SNUPN: variants seen among roughly 807,000 people sequenced by gnomAD.
SNUPN encodes the protein snurportin-1.
In SNUPN, 31 loss-of-function variants were observed where a neutral mutation model predicts 39.2. That is an observed-to-expected ratio of 0.79 (90% CI 0.59 to 1.07). The LOEUF is 1.07. Among genes scored for constraint, SNUPN ranks in the 50% least tolerant of loss-of-function variants. The pLI is 0.00. For synonymous variants in SNUPN, 132 were observed against 159.0 expected, an observed-to-expected ratio of 0.83 and a Z score of 1.28; for missense variants, 382 against 434.2, an observed-to-expected ratio of 0.88 and a Z score of 1.07.
At chr15:75,620,574 A>T (rs1893041214) in intron 2 of SNUPN, among the ~76,000 whole-genome samples, 1 of 152,166 alleles carries the variant, frequency 6.6e-6, no homozygotes, top group Non-Finnish European at 1.5e-5. Context: ...TGGGGAGTGA[A>T]AGTCTGGGCG....
At position 75,607,194 on chromosome 15, in the gene SNUPN, C is replaced by T. The variant is rs146233734; in HGVS notation, c.600+22G>A. 20 of 1,561,238 alleles carry T rather than the reference C, an allele frequency of 1.3e-5. No individual in the cohort carries two copies. The African/African-American group carries it at 2.4e-4, about 19-fold the overall frequency. ...GGAGAGGAGAAGACAGGAAGAGCCA[C>T]GAGAGGAGGATCCATCCCTACCTGG... On this transcript the variant is annotated intron_variant, in intron 6 of 8. Coordinates refer to ENST00000308588, the MANE Select transcript of SNUPN (RefSeq NM_005701.4).
chr15:75,616,281 AC>A (rs1296446761), intron 3 of SNUPN, among the ~76,000 whole-genome samples: 1 of 151,446 alleles, frequency 6.6e-6, no homozygotes, highest in Non-Finnish European at 1.5e-5. Context: ...CCATGGTGAA[AC>A]CCTGTCTCTA....
At chr15:75,602,158 A>G (rs968982600) in intron 7 of SNUPN, among the ~76,000 whole-genome samples, 8 of 152,066 alleles carry the variant, frequency 5.3e-5, no homozygotes, top group African/African-American at 1.9e-4. Flanking sequence ...CAGTGGGCCG[A>G]GATTGTGCCA....
At chr15:75,603,609 C>T (rs1055970734) in intron 7 of SNUPN, among the ~76,000 whole-genome samples, 3 of 145,684 alleles carry the variant, frequency 2.1e-5, no homozygotes, top group African/African-American at 5.1e-5. Context: ...TGCAGTGAGC[C>T]GAGATCACGC....
At chr15:75,616,509 T>A (rs529644943) in intron 3 of SNUPN, among the ~76,000 whole-genome samples, 1 of 152,260 alleles carries the variant, frequency 6.6e-6, no homozygotes, top group African/African-American at 2.4e-5. Flanking sequence ...CAGGTTGGTC[T>A]TGAACTCCTG....
chr15:75,601,035 G>T, intron 8 of SNUPN, 103 bp downstream of exon 8: 1 of 884,080 alleles, frequency 1.1e-6, no homozygotes, highest in Non-Finnish European at 1.9e-6. Context: ...CCATTCTGAT[G>T]CTTTGACACA....
chr15:75,612,651 G>T (rs1892815877), intron 3 of SNUPN, among the ~76,000 whole-genome samples: 1 of 151,780 alleles, frequency 6.6e-6, no homozygotes, highest in Non-Finnish European at 1.5e-5. Flanking sequence ...ATGTCTGCTT[G>T]GTATCTCTTT....
Position 75,605,141 on chromosome 15 carries a change from A to G in SNUPN, c.678+9T>C. ...TAAGGAACTCAGTGATCCTAACACCAGGCCTTACAGGATTAAGCTTGGTTT... is the reference window on the plus strand; with the variant it reads ...TAAGGAACTCAGTGATCCTAACACCGGGCCTTACAGGATTAAGCTTGGTTT... On this transcript the variant is annotated intron_variant, in intron 7 of 8. Coordinates refer to ENST00000308588, the MANE Select transcript of SNUPN (RefSeq NM_005701.4). The G allele has an allele frequency of 6.3e-7, 1 of 1,592,338 alleles. No homozygotes were observed. Among genetic ancestry groups the G allele is most frequent in the Non-Finnish European group, 8.6e-7 (1 of 1,160,530 alleles).
chr15:75,622,914 A>T (rs1371435812), intron 1 of SNUPN, among the ~76,000 whole-genome samples: 1 of 152,162 alleles, frequency 6.6e-6, no homozygotes, highest in Non-Finnish European at 1.5e-5. Context: ...CTGAGGCAGG[A>T]GGTATGCTTG....
In SNUPN at chr15:75,598,377, C is replaced by G. The variant is rs567573472; in HGVS notation, c.1064G>C (p.Gly355Ala). The stretch of plus-strand genomic sequence containing the variant: ...CTCTCTTTAATTCTCCATGAGGCAT[C>G]CAGGGTGGTCTGGGCTATGGGAAGA... ...KGSSHSPDHPGCLMEN is the reference protein window; with the variant it reads ...KGSSHSPDHPACLMEN The change falls in exon 9 of 9, where the codon GGA becomes GCA. Residue 355 changes from glycine (G) to alanine (A), a missense_variant. Physicochemically the swap from Gly to Ala is moderately conservative, Grantham distance 60. Transcript: ENST00000308588. 6 of 1,613,810 alleles carry G rather than the reference C, an allele frequency of 3.7e-6. No homozygotes were observed. Among genetic ancestry groups the G allele is most frequent in the Non-Finnish European group, 5.1e-6 (6 of 1,179,862 alleles).
intron 3 of SNUPN, among the ~76,000 whole-genome samples, chr15:75,611,567 C>CT (rs1025354028): frequency 1.3e-5 from 2 of 149,940 alleles, no homozygotes; most frequent in African/African-American, 4.9e-5. Context: ...TAAAAAAAAA[C>CT]TTTTTGTGGC....
intron 2 of SNUPN, among the ~76,000 whole-genome samples, chr15:75,619,022 TAAAAAAAA>T (rs35749195): frequency 2.7e-5 from 2 of 74,352 alleles, no homozygotes; most frequent in Non-Finnish European, 4.8e-5. Flanking sequence ...CTACTTGTGT[TAAAAAAAA>T]AAAAAAAAAA....
At chr15:75,606,641 G>A (rs1331528221) in intron 6 of SNUPN, among the ~76,000 whole-genome samples, 1 of 152,110 alleles carries the variant, frequency 6.6e-6, no homozygotes, top group African/African-American at 2.4e-5. Context: ...AAAATGTTGG[G>A]GGTATGGTGA....
At chr15:75,623,565 C>T (rs186136652) in intron 1 of SNUPN, among the ~76,000 whole-genome samples, 21 of 152,086 alleles carry the variant, frequency 1.4e-4, no homozygotes, top group African/African-American at 5.1e-4. Flanking sequence ...CTGCCTCAGC[C>T]TCCTGAGTAG....
chr15:75,606,874 C>T (rs114394211), intron 6 of SNUPN, among the ~76,000 whole-genome samples: 50 of 152,228 alleles, frequency 3.3e-4, no homozygotes, highest in Non-Finnish European at 6.3e-4. Context: ...GGCATCCCCA[C>T]CCCCTTGCCC....
At chr15:75,607,029 T>C (rs2075335922) in intron 6 of SNUPN, among the ~76,000 whole-genome samples, 187 bp downstream of exon 6, 1 of 152,214 alleles carries the variant, frequency 6.6e-6, no homozygotes. Context: ...GTTCCTCCTA[T>C]TTCTCTTTTA....
At chr15:75,608,878 C>A (rs1892697900) in intron 5 of SNUPN, among the ~76,000 whole-genome samples, 2 of 152,076 alleles carry the variant, frequency 1.3e-5, no homozygotes, top group African/African-American at 4.8e-5. Context: ...GTGGCTTATG[C>A]CTGTAATCCC....
At chr15:75,611,626 G>A (rs1170605465) in intron 3 of SNUPN, among the ~76,000 whole-genome samples, 4 of 151,904 alleles carry the variant, frequency 2.6e-5, no homozygotes, top group African/African-American at 9.7e-5. Flanking sequence ...AGAGGCTGTG[G>A]CGGGCAGATC....
chr15:75,610,085 T>C, intron 3 of SNUPN, 91 bp from the exon 4 acceptor site: 1 of 983,320 alleles, frequency 1.0e-6, no homozygotes, highest in Non-Finnish European at 1.6e-6. Context: ...GTGTGTATAT[T>C]AAAAACCTGA....
Sources: allele counts gnomAD v4.1 joint callset (sites outside exome capture counted in the v4.1 genomes callset), GRCh38; gene constraint gnomAD v4.1.1; transcripts MANE v1.5; gene names NCBI Gene and HGNC (gene_info 2026-07-23, HGNC 2026-07-21).